The following GALNT18 variants were observed in gnomAD, a reference collection of about 807,000 sequenced individuals.
GALNT18 encodes GalNAc-transferase 18.
A neutral mutation model predicts 69.5 loss-of-function variants in GALNT18; 44 were observed. The observed-to-expected ratio is 0.63, with a 90% CI of 0.50 to 0.81. The LOEUF is 0.81. GALNT18 is among the 40% of genes least tolerant of loss of function. The pLI, the probability that GALNT18 is intolerant of heterozygous loss-of-function variation, is 0.00. For missense variants in GALNT18, 715 were observed against 810.0 expected, an observed-to-expected ratio of 0.88 and a Z score of 1.42; for synonymous variants, 364 against 318.2, an observed-to-expected ratio of 1.14 and a Z score of -1.53.
At position 11,439,792 on chromosome 11, in the gene GALNT18, TG is replaced by T. The variant is rs1288797911; in HGVS notation, c.429-7006del. ...GGATGGGAATTCTACCATGACCTGA[TG>T]GGAATGGAATCACTGAGTTGTACAT... On this transcript the variant is annotated intron_variant, in intron 2 of 10. Transcript: ENST00000227756. This position sits in a 1 kb window ranked among gnomAD's most constrained non-coding sequence, Gnocchi z 4.4. 6.6e-6 allele frequency among the ~76,000 whole-genome samples: 1 copy of T among 152,078 alleles called. No homozygotes were observed. Among genetic ancestry groups the T allele is most frequent in the East Asian group, 1.9e-4 (1 of 5,188 alleles).
rs1373244246 is a variant in GALNT18 at position 11,480,073 on chromosome 11, T to A, written c.236-31137A>T. Among the ~76,000 whole-genome samples, 2 of 150,632 alleles carry A rather than the reference T, an allele frequency of 1.3e-5. No individual in the cohort carries two copies. The highest frequency in any genetic ancestry group is 4.9e-5 in the African/African-American group (2 of 40,826). On this transcript the variant is annotated intron_variant, in intron 1 of 10. Coordinates refer to ENST00000227756, the MANE Select transcript of GALNT18 (RefSeq NM_198516.3). The surrounding 1 kb of genome is among the most constrained non-coding windows in gnomAD (Gnocchi z 4.6). ...TGTAGATCTTGGAGCGGGGAGGGGG[T>A]ACAGGAGGCAGAAAATACTGCTATT...
At position 11,435,569 on chromosome 11, in the gene GALNT18, A is replaced by G. The variant is rs1189436238; in HGVS notation, c.429-2782T>C. ...TGTCTGCCCCTCTCTACTAGAATGA[A>G]GCCCCCTGAGAGCAGGAACTTTGCT... On this transcript the variant is annotated intron_variant, in intron 2 of 10. Coordinates refer to ENST00000227756, the MANE Select transcript of GALNT18 (RefSeq NM_198516.3). The surrounding 1 kb of genome is among the most constrained non-coding windows in gnomAD (Gnocchi z 4.4). Among the ~76,000 whole-genome samples the G allele has an allele frequency of 6.6e-6, 1 of 152,196 alleles. No individual in the cohort carries two copies. Among genetic ancestry groups the G allele is most frequent in the Admixed American group, 6.5e-5 (1 of 15,290 alleles).
At chr11:11,277,684 G>T (rs143694229) in intron 10 of GALNT18, among the ~76,000 whole-genome samples, 103 of 152,296 alleles carry the variant, frequency 6.8e-4, no homozygotes, top group Admixed American at 9.8e-4. Flanking sequence ...GTGTCCCAGA[G>T]ATTCTGGTAT....
chr11:11,466,368 T>C (rs4910349), intron 1 of GALNT18, among the ~76,000 whole-genome samples: 8,528 of 152,286 alleles, frequency 0.056, 373 homozygotes, highest in South Asian at 0.16. Flanking sequence ...TGAAAACAAA[T>C]AGAAACAATG....
chr11:11,363,311 A>G (rs995234817), intron 6 of GALNT18, among the ~76,000 whole-genome samples: 4 of 152,202 alleles, frequency 2.6e-5, no homozygotes, highest in Admixed American at 6.5e-5. Context: ...GCAAAATGAA[A>G]CAACTGATCA....
chr11:11,405,513 A>G (rs1274604401), intron 3 of GALNT18, among the ~76,000 whole-genome samples: 1 of 152,166 alleles, frequency 6.6e-6, no homozygotes, highest in Admixed American at 6.5e-5. Context: ...TCTGGGGTTC[A>G]AGGTCTCTTC....
intron 6 of GALNT18, among the ~76,000 whole-genome samples, chr11:11,344,620 T>C (rs954461524): frequency 6.6e-6 from 1 of 152,190 alleles, no homozygotes; most frequent in African/African-American, 2.4e-5. Flanking sequence ...GGGAACTGGA[T>C]TCACATTTGT....
intron 1 of GALNT18, among the ~76,000 whole-genome samples, chr11:11,528,315 A>C (rs928964160): frequency 6.6e-6 from 1 of 152,210 alleles, no homozygotes; most frequent in African/African-American, 2.4e-5. Flanking sequence ...AGGTCAACTA[A>C]GGCCAAATTT....
chr11:11,561,788 C>T (rs537688503), intron 1 of GALNT18, among the ~76,000 whole-genome samples: 7 of 152,292 alleles, frequency 4.6e-5, no homozygotes, highest in South Asian at 2.1e-4. Context: ...GCCCATTGGG[C>T]AGAGCCAACA....
chr11:11,379,386 C>G, intron 3 of GALNT18, 122 bp from the exon 4 acceptor site: 1 of 924,562 alleles, frequency 1.1e-6, no homozygotes, highest in Non-Finnish European at 1.6e-6. Flanking sequence ...ATTCCCCTCC[C>G]TGGGTCTTCT....
At chr11:11,519,881 T>C (rs908953195) in intron 1 of GALNT18, among the ~76,000 whole-genome samples, 1 of 152,240 alleles carries the variant, frequency 6.6e-6, no homozygotes, top group Non-Finnish European at 1.5e-5. Context: ...CGATGGGCCA[T>C]GACCACAGTG....
intron 5 of GALNT18, among the ~76,000 whole-genome samples, chr11:11,373,324 A>T (rs907826993): frequency 2.0e-5 from 3 of 152,154 alleles, no homozygotes; most frequent in African/African-American, 7.2e-5. Flanking sequence ...AGAGATAGGA[A>T]TTTTTTAAAG....
chr11:11,446,259 G>A (rs776393483), intron 2 of GALNT18, among the ~76,000 whole-genome samples: 2 of 152,202 alleles, frequency 1.3e-5, no homozygotes, highest in Non-Finnish European at 2.9e-5. Flanking sequence ...TTATCGGCAC[G>A]TCCAGCACTA....
intron 2 of GALNT18, among the ~76,000 whole-genome samples, chr11:11,446,318 C>T (rs1027191708): frequency 1.3e-5 from 2 of 152,196 alleles, no homozygotes; most frequent in African/African-American, 4.8e-5. Flanking sequence ...GTAAAATCCA[C>T]CCTTTCCTTG....
rs762478660 is a variant in GALNT18 at position 11,356,400 on chromosome 11, C to A, written c.1093-15396G>T. On this transcript the variant is annotated intron_variant, in intron 6 of 10. Transcript: ENST00000227756. The surrounding 1 kb of genome is among the most constrained non-coding windows in gnomAD (Gnocchi z 4.4). ...GCATGCAGACTCAGCTAAAGAAGAA[C>A]AAAGAACAAAAATGGAAACAAAAGG... Among the ~76,000 whole-genome samples the A allele has an allele frequency of 6.6e-6, 1 of 152,068 alleles. No homozygotes were observed. The highest frequency in any genetic ancestry group is 6.6e-5 in the Admixed American group (1 of 15,262).
chr11:11,488,867 A>G (rs542810238), intron 1 of GALNT18, among the ~76,000 whole-genome samples: 1 of 152,310 alleles, frequency 6.6e-6, no homozygotes, highest in South Asian at 2.1e-4. Context: ...CCCACCTGAA[A>G]AGCCAAGAGC....
At chr11:11,296,860 TC>T (rs1448430370) in intron 9 of GALNT18, among the ~76,000 whole-genome samples, 1 of 152,164 alleles carries the variant, frequency 6.6e-6, no homozygotes, top group Non-Finnish European at 1.5e-5. Context: ...TTTTCTCAAG[TC>T]CTCACATGGA....
chr11:11,279,413 C>T (rs935429394), intron 10 of GALNT18, among the ~76,000 whole-genome samples: 2 of 152,124 alleles, frequency 1.3e-5, no homozygotes, highest in African/African-American at 4.8e-5. Context: ...ATATACAACC[C>T]TATGACCCAA....
intron 6 of GALNT18, among the ~76,000 whole-genome samples, chr11:11,343,340 A>G (rs1020857656): frequency 4.6e-5 from 7 of 151,968 alleles, no homozygotes; most frequent in African/African-American, 1.7e-4. Flanking sequence ...ACAGAGTGAG[A>G]CCCTGTCTCA....
Sources: allele counts gnomAD v4.1 joint callset (sites outside exome capture counted in the v4.1 genomes callset), GRCh38; gene constraint gnomAD v4.1.1; non-coding constraint Gnocchi (gnomAD v3.1); transcripts MANE v1.5; gene names NCBI Gene and HGNC (gene_info 2026-07-23, HGNC 2026-07-21).